LRRTM4: variants seen among roughly 807,000 people sequenced by gnomAD.
LRRTM4 encodes the protein leucine rich repeat transmembrane neuronal 4, also known as leucine-rich repeat transmembrane neuronal protein 4.
In LRRTM4, 25 loss-of-function variants were observed where a neutral mutation model predicts 47.6. That is an observed-to-expected ratio of 0.53 (90% CI 0.38 to 0.73). The LOEUF (loss-of-function observed/expected upper bound fraction) is 0.73. Among genes scored for constraint, LRRTM4 ranks in the 30% least tolerant of loss-of-function variants. The probability of loss-of-function intolerance (pLI) is 0.00; values close to 1 mark genes in which losing one functional copy is unlikely to be tolerated. For missense variants in LRRTM4, 638 were observed against 713.4 expected (o/e 0.89, Z 1.20); for synonymous variants, 311 against 269.5 (o/e 1.15, Z -1.51).
chr2:77,415,759 C>T (rs959125994), intron 3 of LRRTM4, among the ~76,000 whole-genome samples: 3 of 151,970 alleles, frequency 2.0e-5, no homozygotes, highest in Non-Finnish European at 4.4e-5. Context: ...CTATGGCTGC[C>T]TATTTATTTG....
chr2:77,406,076 C>T (rs150359346), intron 3 of LRRTM4, among the ~76,000 whole-genome samples: 201 of 152,138 alleles, frequency 1.3e-3, no homozygotes, highest in African/African-American at 4.7e-3. Flanking sequence ...AACCAATATC[C>T]TCAGTCATGT....
chr2:76,874,019 G>A (rs949019615), intron 3 of LRRTM4, among the ~76,000 whole-genome samples: 7 of 151,784 alleles, frequency 4.6e-5, no homozygotes, highest in Non-Finnish European at 8.8e-5. Flanking sequence ...GTTCTTGATA[G>A]CAATCAAACA....
intron 3 of LRRTM4, among the ~76,000 whole-genome samples, chr2:76,832,490 T>G (rs2103899759): frequency 6.8e-6 from 1 of 147,200 alleles, no homozygotes; most frequent in Non-Finnish European, 1.5e-5. Context: ...CTACACTGCT[T>G]AATAGGGTAG....
At chr2:77,007,967 C>A (rs554802866) in intron 3 of LRRTM4, among the ~76,000 whole-genome samples, 9 of 151,964 alleles carry the variant, frequency 5.9e-5, no homozygotes, top group Non-Finnish European at 1.0e-4. Context: ...TGAAAATGCA[C>A]ACTTTTACTG....
At chr2:77,001,496 T>C (rs10520177) in intron 3 of LRRTM4, among the ~76,000 whole-genome samples, 21,330 of 152,034 alleles carry the variant, frequency 0.14, 1,608 homozygotes, top group Admixed American at 0.2. Flanking sequence ...TAAACATTCC[T>C]TTTCTCTGCA....
chr2:77,060,729 C>G lies in LRRTM4; in HGVS notation c.1552-311813G>C, dbSNP rs929537562. Among the ~76,000 whole-genome samples the G allele has an allele frequency of 2.6e-5, 4 of 151,972 alleles. No homozygotes were observed. The South Asian group carries it at 8.3e-4, about 32-fold the overall frequency. On this transcript the variant is annotated intron_variant, in intron 3 of 3. Transcript: ENST00000409884. ...GGCTTCTGCCATTAACAGTTCTTAC[C>G]TTGGGTAAGTGCAATGTATCTTAAG...
At chr2:77,102,024 A>G (rs1670968054) in intron 3 of LRRTM4, among the ~76,000 whole-genome samples, 1 of 152,190 alleles carries the variant, frequency 6.6e-6, no homozygotes, top group Non-Finnish European at 1.5e-5. Flanking sequence ...GGACAAACAA[A>G]GGGACTTTCT....
chr2:77,052,583 T>C (rs549362608), intron 3 of LRRTM4, among the ~76,000 whole-genome samples: 1 of 152,246 alleles, frequency 6.6e-6, no homozygotes, highest in South Asian at 2.1e-4. Flanking sequence ...GTATTTTTTT[T>C]TTACTGATCT....
At chr2:77,325,666 T>C (rs1339706422) in intron 3 of LRRTM4, among the ~76,000 whole-genome samples, 1 of 152,132 alleles carries the variant, frequency 6.6e-6, no homozygotes, top group Non-Finnish European at 1.5e-5. Flanking sequence ...CCCTTTTGGT[T>C]TGTTTGGGTG....
intron 3 of LRRTM4, among the ~76,000 whole-genome samples, chr2:76,998,161 A>C (rs1172221264): frequency 6.6e-6 from 1 of 152,138 alleles, no homozygotes; most frequent in Non-Finnish European, 1.5e-5. Flanking sequence ...ATGTCTGTGG[A>C]AAAATGTCAT....
chr2:76,929,160 A>G (rs1320719034), intron 3 of LRRTM4, among the ~76,000 whole-genome samples: 2 of 152,186 alleles, frequency 1.3e-5, no homozygotes, highest in Non-Finnish European at 2.9e-5. Context: ...GGAGCGCTTC[A>G]AGGAAATAAA....
chr2:77,279,359 T>C (rs1359671484), intron 3 of LRRTM4, among the ~76,000 whole-genome samples: 1 of 151,956 alleles, frequency 6.6e-6, no homozygotes, highest in African/African-American at 2.4e-5. Context: ...TTTTGTTTTG[T>C]TTTTGGTCAA....
chr2:76,796,879 G>T (rs1675358749), intron 3 of LRRTM4, among the ~76,000 whole-genome samples: 1 of 151,980 alleles, frequency 6.6e-6, no homozygotes, highest in South Asian at 2.1e-4. Flanking sequence ...TATCAGCAAT[G>T]GAAGATGAAA....
chr2:76,980,417 A>G (rs1389943686), intron 3 of LRRTM4, among the ~76,000 whole-genome samples: 1 of 152,132 alleles, frequency 6.6e-6, no homozygotes, highest in Non-Finnish European at 1.5e-5. Flanking sequence ...CTGTTTTAAA[A>G]TTTTCAAATA....
chr2:76,837,024 G>A (rs1309327237), intron 3 of LRRTM4, among the ~76,000 whole-genome samples: 1 of 152,026 alleles, frequency 6.6e-6, no homozygotes, highest in Non-Finnish European at 1.5e-5. Context: ...GTCACCTTTG[G>A]ATTCCTCAGA....
rs564744775 is a variant in LRRTM4 at position 77,464,029 on chromosome 2, G to A, written c.1551+54289C>T. Reference sequence around the variant, plus strand: ...TGAATGATTCTTAGAGAAGGTGAATGAGTCTTAGAGAGAAGCCAGAATTGG... The same window carrying A: ...TGAATGATTCTTAGAGAAGGTGAATAAGTCTTAGAGAGAAGCCAGAATTGG... On this transcript the variant is annotated intron_variant, in intron 3 of 3. Coordinates refer to ENST00000409884, the MANE Select transcript of LRRTM4 (RefSeq NM_001134745.3). Among the ~76,000 whole-genome samples the A allele has an allele frequency of 5.4e-4, 82 of 152,210 alleles. 1 individual carries two copies. Among genetic ancestry groups the A allele is most frequent in the African/African-American group, 1.9e-3 (81 of 41,552 alleles).
chr2:77,287,806 T>C (rs1463371976), intron 3 of LRRTM4, among the ~76,000 whole-genome samples: 2 of 152,266 alleles, frequency 1.3e-5, no homozygotes, highest in East Asian at 1.9e-4. Flanking sequence ...GCCTGATTTA[T>C]AAATTAAACT....
At chr2:77,129,514 C>A (rs1038708875) in intron 3 of LRRTM4, among the ~76,000 whole-genome samples, 2 of 152,170 alleles carry the variant, frequency 1.3e-5, no homozygotes, top group Non-Finnish European at 2.9e-5. Flanking sequence ...TTATCAGAAA[C>A]TCTAAAAATA....
At chr2:77,169,601 T>C (rs79077285) in intron 3 of LRRTM4, among the ~76,000 whole-genome samples, 2 of 152,170 alleles carry the variant, frequency 1.3e-5, no homozygotes, top group Admixed American at 6.6e-5. Flanking sequence ...AAGTGGGTTC[T>C]TGATAAAACA....
Sources: allele counts gnomAD v4.1 joint callset (sites outside exome capture counted in the v4.1 genomes callset), GRCh38; gene constraint gnomAD v4.1.1; transcripts MANE v1.5; gene names NCBI Gene and HGNC (gene_info 2026-07-23, HGNC 2026-07-21).